SNTG1: variants seen among roughly 807,000 people sequenced by gnomAD.
SNTG1 encodes syntrophin gamma 1.
SNTG1 carries 39 observed loss-of-function variants against 74.7 expected under a neutral mutation model. The ratio of observed to expected loss-of-function variants is 0.52; its 90% CI spans 0.40 to 0.68. The LOEUF (loss-of-function observed/expected upper bound fraction) is 0.68. Ranked by LOEUF, SNTG1 falls within the 30% of genes least tolerant of loss-of-function variation. The pLI, the probability that SNTG1 is intolerant of heterozygous loss-of-function variation, is 0.00. For missense variants in SNTG1, 685 were observed against 609.5 expected (o/e 1.12, Z -1.30); for synonymous variants, 254 against 217.1 (o/e 1.17, Z -1.49).
rs2095700595 is a variant in SNTG1, at chr8:50,794,710, T to C, written c.*1881T>C. On this transcript the variant is annotated 3_prime_UTR_variant, in exon 19 of 19. Coordinates refer to ENST00000642720, the MANE Select transcript of SNTG1 (RefSeq NM_018967.5). ...GGCAAGTGGTTCATTATGGAACTTCTGCTTCCAACCAGAGCTGAATCTCAG... is the reference window on the plus strand; with the variant it reads ...GGCAAGTGGTTCATTATGGAACTTCCGCTTCCAACCAGAGCTGAATCTCAG... 6.6e-6 allele frequency: 1 copy of C among 152,036 alleles called. No homozygotes were observed. Among genetic ancestry groups the C allele is most frequent in the Non-Finnish European group, 1.5e-5 (1 of 67,952 alleles). The allele number at this position is 152,036 out of a possible 1,614,324, so 9.4% of individuals were successfully genotyped here. A position where few individuals can be genotyped will look rare whatever the true frequency, so the allele number is the denominator to read the frequency against.
intron 4 of SNTG1, among the ~76,000 whole-genome samples, chr8:50,430,622 G>A (rs527458413): frequency 6.6e-6 from 1 of 152,286 alleles, no homozygotes; most frequent in East Asian, 1.9e-4. Flanking sequence ...TTTGTTCTAA[G>A]GGGTGTTTTA....
At chr8:50,555,001 T>G (rs2094447794) in intron 12 of SNTG1, among the ~76,000 whole-genome samples, 1 of 152,160 alleles carries the variant, frequency 6.6e-6, no homozygotes, top group South Asian at 2.1e-4. Context: ...AAACGTCTAT[T>G]CAGTTAGAAT....
At chr8:50,686,832 C>T (rs986145878) in intron 15 of SNTG1, among the ~76,000 whole-genome samples, 7 of 152,138 alleles carry the variant, frequency 4.6e-5, no homozygotes, top group African/African-American at 1.7e-4. Context: ...AATTGCATGA[C>T]CTGCACAAAA....
At chr8:50,415,809 C>CA (rs2093006701) in intron 4 of SNTG1, among the ~76,000 whole-genome samples, 1 of 151,912 alleles carries the variant, frequency 6.6e-6, no homozygotes, top group Non-Finnish European at 1.5e-5. Flanking sequence ...TGTGGGTAAC[C>CA]AAAGCCCAGA....
intron 2 of SNTG1, among the ~76,000 whole-genome samples, chr8:50,301,568 G>A (rs867197978): frequency 2.0e-5 from 3 of 152,170 alleles, no homozygotes; most frequent in Middle Eastern, 3.4e-3. Context: ...TTCAACAGCT[G>A]TAAATTCTCA....
At chr8:50,118,308 TA>T (rs111802732) in intron 1 of SNTG1, among the ~76,000 whole-genome samples, 11,475 of 151,718 alleles carry the variant, frequency 0.076, 1,404 homozygotes, top group African/African-American at 0.26. Context: ...CTTCAGGTTT[TA>T]AAAAAAAATT....
At position 50,247,283 on chromosome 8, in the gene SNTG1, T is replaced by C. The variant is rs1218592134; in HGVS notation, c.-28+74648T>C. ...TCTTTGGGGCATTGTCCCCATAAAC[T>C]GTTCATAAAGCATCAGTGATGTTAC... On this transcript the variant is annotated intron_variant, in intron 2 of 18. Transcript: ENST00000642720. 4.6e-5 allele frequency among the ~76,000 whole-genome samples: 7 copies of C among 152,206 alleles called. 1 individual carries two copies. In the East Asian group the frequency reaches 1.4e-3, roughly 29 times the overall value.
chr8:50,242,557 A>G (rs529527032), intron 2 of SNTG1, among the ~76,000 whole-genome samples: 2 of 150,006 alleles, frequency 1.3e-5, no homozygotes, highest in Non-Finnish European at 3.0e-5. Flanking sequence ...ACACCAGGAA[A>G]TGTATTGTAT....
intron 13 of SNTG1, chr8:50,643,951 TGAATGGGGAACCATG>T (rs1286627555): frequency 2.6e-5 from 4 of 152,228 alleles, no homozygotes; most frequent in African/African-American, 9.7e-5. Flanking sequence ...ATGGTGCTCC[TGAATGGGGAACCATG>T]GAAGGAGAGT....
intron 2 of SNTG1, among the ~76,000 whole-genome samples, chr8:50,321,358 T>C (rs2090520965): frequency 6.6e-6 from 1 of 151,786 alleles, no homozygotes; most frequent in African/African-American, 2.4e-5. Flanking sequence ...ACTCCTCCTC[T>C]TTTTTTGGTT....
chr8:50,588,134 T>A (rs1404319054), intron 12 of SNTG1, among the ~76,000 whole-genome samples: 1 of 150,224 alleles, frequency 6.7e-6, no homozygotes, highest in African/African-American at 2.5e-5. Flanking sequence ...AAAAAAAAAA[T>A]TGAAGATATG....
chr8:50,493,019 C>T (rs535663789), intron 8 of SNTG1, among the ~76,000 whole-genome samples: 2 of 152,280 alleles, frequency 1.3e-5, no homozygotes, highest in East Asian at 1.9e-4. Context: ...CACACATCTA[C>T]AGGCATCTGA....
intron 4 of SNTG1, among the ~76,000 whole-genome samples, chr8:50,412,278 C>A (rs2092958993): frequency 6.6e-6 from 1 of 152,042 alleles, no homozygotes; most frequent in Non-Finnish European, 1.5e-5. Flanking sequence ...AATTTATTGA[C>A]AACTCTTTAA....
chr8:50,471,473 TG>T (rs2093654255), intron 8 of SNTG1, among the ~76,000 whole-genome samples: 1 of 152,190 alleles, frequency 6.6e-6, no homozygotes, highest in Non-Finnish European at 1.5e-5. Flanking sequence ...TATCAAATGC[TG>T]GCAAAGATGC....
At chr8:50,057,047 C>T (rs1193367428) in intron 1 of SNTG1, among the ~76,000 whole-genome samples, 1 of 152,130 alleles carries the variant, frequency 6.6e-6, no homozygotes, top group African/African-American at 2.4e-5. Context: ...TTTCATCATG[C>T]ACTTCTTTAG....
chr8:50,083,164 C>T (rs928123222), intron 1 of SNTG1, among the ~76,000 whole-genome samples: 2 of 152,124 alleles, frequency 1.3e-5, no homozygotes, highest in African/African-American at 4.8e-5. Context: ...CTATTCTTAG[C>T]TGAAATTCAG....
At chr8:50,484,369 C>A (rs2093771823) in intron 8 of SNTG1, among the ~76,000 whole-genome samples, 3 of 151,648 alleles carry the variant, frequency 2.0e-5, no homozygotes, top group Admixed American at 1.3e-4. Flanking sequence ...TCATGCGCCA[C>A]CATTCCTGGC....
intron 9 of SNTG1, among the ~76,000 whole-genome samples, chr8:50,529,523 A>G (rs1032823608): frequency 2.0e-5 from 3 of 152,034 alleles, no homozygotes; most frequent in Non-Finnish European, 2.9e-5. Context: ...AGAAAAATCA[A>G]ATAATCAGAA....
At chr8:50,083,809 C>T (rs1020936454) in intron 1 of SNTG1, among the ~76,000 whole-genome samples, 23 of 152,108 alleles carry the variant, frequency 1.5e-4, no homozygotes, top group African/African-American at 5.6e-4. Flanking sequence ...TTATACTTTT[C>T]ATTTGTTCAT....
Sources: gnomAD v4.1 joint callset for allele counts (sites outside exome capture counted in the v4.1 genomes callset) on GRCh38, gnomAD v4.1.1 for gene constraint, MANE v1.5 for transcripts, NCBI Gene and HGNC (gene_info 2026-07-23, HGNC 2026-07-21) for gene names.